The following SENP2 variants were observed in gnomAD, a reference collection of about 807,000 sequenced individuals.
The protein encoded by SENP2 is SUMO specific peptidase 2.
In SENP2, 16 loss-of-function variants were observed where a neutral mutation model predicts 86.3. That is an observed-to-expected ratio of 0.19 (90% CI 0.13 to 0.28). The LOEUF is 0.28. SENP2 is among the 10% of genes least tolerant of loss of function. The pLI, the probability that SENP2 is intolerant of heterozygous loss-of-function variation, is 1.00. For synonymous variants in SENP2, 222 were observed against 238.7 expected, an observed-to-expected ratio of 0.93 and a Z score of 0.64; for missense variants, 552 against 703.0, an observed-to-expected ratio of 0.79 and a Z score of 2.43.
chr3:185,609,636 A>G (rs1287372743), intron 7 of SENP2, among the ~76,000 whole-genome samples: 1 of 152,120 alleles, frequency 6.6e-6, no homozygotes, highest in African/African-American at 2.4e-5. Flanking sequence ...CAAGAGGCAG[A>G]GAGTTTCTTC....
intron 14 of SENP2, among the ~76,000 whole-genome samples, chr3:185,623,357 C>T (rs1711981089): frequency 6.6e-6 from 1 of 151,768 alleles, no homozygotes; most frequent in East Asian, 2.0e-4. Context: ...TCAGGCTGGT[C>T]GCAAACTCCC....
At chr3:185,614,493 T>C in intron 10 of SENP2, 71 bp from the exon 11 acceptor site, 1 of 1,379,024 alleles carries the variant, frequency 7.3e-7, no homozygotes, top group Non-Finnish European at 1.0e-6. Context: ...GTTTTATATT[T>C]CATGTGTAAT....
At position 185,632,235 on chromosome 3, in the gene SENP2, T is replaced by TG. The variant is rs1712513505; in HGVS notation, c.*2391_*2392insG. 1.6e-4 allele frequency: 10 copies of TG among 61,104 alleles called. 1 individual carries two copies. Among genetic ancestry groups the TG allele is most frequent in the African/African-American group, 6.2e-4 (10 of 16,092 alleles). 3.8% of individuals were successfully genotyped at this position (61,104 alleles called of 1,614,324 possible). On this transcript the variant is annotated 3_prime_UTR_variant, in exon 17 of 17. Transcript: ENST00000296257. ...GTGGTTTTTTTTTTGTTTTTTTTTTTTGTTTTTTTTTTTTTTTTTTGCGAC... is the reference window on the plus strand; with the variant it reads ...GTGGTTTTTTTTTTGTTTTTTTTTTTGTGTTTTTTTTTTTTTTTTTTGCGAC...
rs1219410507 is a variant in SENP2, at chr3:185,586,395, G to T, written c.-19G>T. 1.2e-6 allele frequency: 2 copies of T among 1,613,170 alleles called. No individual in the cohort carries two copies. The highest frequency in any genetic ancestry group is 1.3e-5 in the African/African-American group (1 of 74,932). On this transcript the variant is annotated 5_prime_UTR_variant, in exon 1 of 17. Transcript: ENST00000296257. This position sits in a 1 kb window ranked among gnomAD's most constrained non-coding sequence, Gnocchi z 4.3. ...TGCGTCTCGGGGTGTGTCGGCCGCC[G>T]CTGCTGCTTGGGCCTGGTATGTACA...
At position 185,626,456 on chromosome 3, in the gene SENP2, G is replaced by T; in HGVS notation, c.1707+63G>T. Reference sequence around the variant, plus strand: ...AAGCAAGATAAGGCACTTGGCCAGTGCCTGGCACACATTCAGCTCTCAATA... The same window carrying T: ...AAGCAAGATAAGGCACTTGGCCAGTTCCTGGCACACATTCAGCTCTCAATA... On this transcript the variant is annotated intron_variant, in intron 16 of 16. Transcript: ENST00000296257. 2.7e-6 allele frequency: 3 copies of T among 1,102,248 alleles called. No individual in the cohort carries two copies. In the South Asian group the frequency reaches 4.0e-5, roughly 15 times the overall value. The allele number at this position is 1,102,248 out of a possible 1,614,324, so 68.3% of individuals were successfully genotyped here.
chr3:185,589,441 A>G (rs957352766), intron 1 of SENP2, among the ~76,000 whole-genome samples: 2 of 152,192 alleles, frequency 1.3e-5, no homozygotes, highest in Admixed American at 6.5e-5. Flanking sequence ...TGTTGTTTTT[A>G]AATCATTTCT....
At chr3:185,619,542 T>C in intron 13 of SENP2, 40 bp downstream of exon 13, 2 of 1,547,588 alleles carry the variant, frequency 1.3e-6, no homozygotes, top group Non-Finnish European at 8.9e-7. Context: ...TGGACTTGGA[T>C]AAAGGCCATT....
At chr3:185,596,211 G>A (rs760470771) in intron 2 of SENP2, among the ~76,000 whole-genome samples, 6 of 151,990 alleles carry the variant, frequency 3.9e-5, no homozygotes, top group South Asian at 2.1e-4. Context: ...TGATCTGCCC[G>A]CCTTTGCCTC....
chr3:185,616,139 G>A (rs1478064084), intron 11 of SENP2, among the ~76,000 whole-genome samples: 2 of 148,424 alleles, frequency 1.3e-5, no homozygotes, highest in Non-Finnish European at 3.0e-5. Context: ...GGGATTACAG[G>A]CGTGAGCCAC....
chr3:185,605,210 A>C (rs1302443554), intron 5 of SENP2, among the ~76,000 whole-genome samples: 1 of 151,484 alleles, frequency 6.6e-6, no homozygotes, highest in Non-Finnish European at 1.5e-5. Flanking sequence ...TCTCTACTTA[A>C]AATACAAAAA....
Position 185,617,514 on chromosome 3 carries a change from A to G in SENP2, c.1145A>G (p.His382Arg), listed in dbSNP as rs748824366. ...AAGGAAATCAGTAATGCCCTAGGCC[A>G]TGGCCCACAGGATGAAATCCTAAGT... Reference protein sequence around the residue: ...MEKEISNALGHGPQDEILSSA... With the variant: ...MEKEISNALGRGPQDEILSSA... Residue 382 changes from histidine to arginine, a missense_variant, in exon 12 of 17, where the codon CAT (histidine) becomes CGT (arginine). By Grantham distance (29) the His-to-Arg change is conservative. This residue lies in a region of SENP2 where 169 missense variants were observed against 275.7 expected (regional missense o/e 0.61). Coordinates refer to ENST00000296257, the MANE Select transcript of SENP2 (RefSeq NM_021627.3). 6.2e-7 allele frequency: 1 copy of G among 1,613,914 alleles called. No individual in the cohort carries two copies. The highest frequency in any genetic ancestry group is 8.5e-7 in the Non-Finnish European group (1 of 1,179,812).
intron 6 of SENP2, among the ~76,000 whole-genome samples, chr3:185,608,068 T>G (rs1241071196): frequency 6.6e-6 from 1 of 152,240 alleles, no homozygotes; most frequent in Non-Finnish European, 1.5e-5. Context: ...TTGTTTAATT[T>G]AGTTCATCAA....
At chr3:185,606,558 G>T in intron 6 of SENP2, 60 bp downstream of exon 6, 3 of 1,376,548 alleles carry the variant, frequency 2.2e-6, no homozygotes, top group Non-Finnish European at 2.9e-6. Context: ...CAAGGATGCT[G>T]CCTAGAGACA....
chr3:185,587,210 G>T (rs1179994542), intron 1 of SENP2, among the ~76,000 whole-genome samples: 1 of 152,046 alleles, frequency 6.6e-6, no homozygotes, highest in Non-Finnish European at 1.5e-5. Flanking sequence ...TCGGCTTACC[G>T]CAACCTCCGC....
In SENP2 at chr3:185,613,532, T is replaced by TA. The variant is rs149097919; in HGVS notation, c.933+130dup. ...GATTGTTAATTCTGTTGTTTTTCTT[T>TA]AAAAAAGCAGCAAGCCAGCCAGTCA... On this transcript the variant is annotated intron_variant, in intron 10 of 16. Transcript: ENST00000296257. 841 of 582,876 alleles carry TA rather than the reference T, an allele frequency of 1.4e-3. 5 individuals carry two copies. Among genetic ancestry groups the TA allele is most frequent in the African/African-American group, 0.014 (742 of 51,602 alleles). 36.1% of individuals were successfully genotyped at this position (582,876 alleles called of 1,614,324 possible). A position where few individuals can be genotyped will look rare whatever the true frequency, so the allele number is the denominator to read the frequency against.
chr3:185,588,332 A>ACCGCGCCCGGC (rs1011644004), intron 1 of SENP2, among the ~76,000 whole-genome samples: 5 of 151,556 alleles, frequency 3.3e-5, no homozygotes, highest in Admixed American at 6.6e-5. Context: ...GGCGTGAGCC[A>ACCGCGCCCGGC]CCGCGCCCGG....
rs370450780 is a variant in SENP2 at position 185,612,669 on chromosome 3, T to G, written c.869+11T>G. 10 of 1,577,322 alleles carry G rather than the reference T, an allele frequency of 6.3e-6. No homozygotes were observed. The highest frequency in any genetic ancestry group is 8.7e-6 in the Non-Finnish European group (10 of 1,147,404). On this transcript the variant is annotated intron_variant, in intron 9 of 16. Coordinates refer to ENST00000296257, the MANE Select transcript of SENP2 (RefSeq NM_021627.3). ...GAGAAGTGAAAAGAGGTACGTACAT[T>G]CAGTTCATTCTACACTTTCTTTTAA...
At position 185,612,641 on chromosome 3, in the gene SENP2, A is replaced by G. The variant is rs766818677; in HGVS notation, c.852A>G (p.Ser284=). The change falls in exon 9 of 17, where the codon TCA becomes TCG. Residue 284 remains serine (S), a synonymous_variant. Transcript: ENST00000296257. The stretch of plus-strand genomic sequence containing the variant: ...TTGAAACAAGGGGACCTCTATGTTC[A>G]TTGAGAAGTGAAAAGAGGTACGTAC... The part of the protein sequence containing the change: ...RLVETRGPLC[S]LRSEKRCSKG... 1.2e-6 allele frequency: 2 copies of G among 1,608,980 alleles called. No individual in the cohort carries two copies. The highest frequency in any genetic ancestry group is 1.7e-6 in the Non-Finnish European group (2 of 1,175,500).
intron 14 of SENP2, 55 bp downstream of exon 14, chr3:185,621,960 C>A: frequency 8.6e-7 from 1 of 1,164,872 alleles, no homozygotes; most frequent in Non-Finnish European, 1.3e-6. Context: ...TCTCTTTTAT[C>A]TCATCCTAGG....
Sources: allele counts gnomAD v4.1 joint callset (sites outside exome capture counted in the v4.1 genomes callset), GRCh38; gene constraint gnomAD v4.1.1; regional missense constraint gnomAD v4.1.1; non-coding constraint Gnocchi (gnomAD v3.1); transcripts MANE v1.5; gene names NCBI Gene and HGNC (gene_info 2026-07-23, HGNC 2026-07-21).